The following STRN variants were observed in gnomAD, a reference collection of about 807,000 sequenced individuals.
The protein encoded by STRN is striatin.
A neutral mutation model predicts 96.3 loss-of-function variants in STRN; 53 were observed. That is an observed-to-expected ratio of 0.55 (90% CI 0.44 to 0.69). STRN has a LOEUF of 0.69. STRN is among the 30% of genes least tolerant of loss of function. The pLI, the probability that STRN is intolerant of heterozygous loss-of-function variation, is 0.00. For synonymous variants in STRN, 428 were observed against 355.9 expected (o/e 1.20, Z -2.28); for missense variants, 987 against 963.9 (o/e 1.02, Z -0.32).
intron 7 of STRN, among the ~76,000 whole-genome samples, chr2:36,888,594 A>G (rs556219255): frequency 6.6e-6 from 1 of 150,736 alleles, no homozygotes; most frequent in South Asian, 2.1e-4. Context: ...TATCTTCTCA[A>G]TGGGGCTTAT....
chr2:36,936,569 G>T (rs1193497925), intron 1 of STRN, among the ~76,000 whole-genome samples: 1 of 152,020 alleles, frequency 6.6e-6, no homozygotes, highest in Non-Finnish European at 1.5e-5. Context: ...TATTGAACAG[G>T]ACTTAACAGA....
Position 36,846,107 on chromosome 2 carries a change from T to C in STRN, c.*3349A>G, listed in dbSNP as rs1668068727. Reference sequence around the variant, plus strand: ...ATTTGTTTTTGTTAAAAAGTCTGAATGTTCAATGGAAATAGTTCAGTACTG... The same window carrying C: ...ATTTGTTTTTGTTAAAAAGTCTGAACGTTCAATGGAAATAGTTCAGTACTG... On this transcript the variant is annotated 3_prime_UTR_variant, in exon 18 of 18. Transcript: ENST00000263918. 6.6e-6 allele frequency: 1 copy of C among 150,916 alleles called. No individual in the cohort carries two copies. Among genetic ancestry groups the C allele is most frequent in the Non-Finnish European group, 1.5e-5 (1 of 67,834 alleles). 9.3% of individuals were successfully genotyped at this position (150,916 alleles called of 1,614,324 possible).
chr2:36,864,399 T>C (rs1178274072), intron 12 of STRN, among the ~76,000 whole-genome samples: 1 of 152,214 alleles, frequency 6.6e-6, no homozygotes, highest in East Asian at 1.9e-4. Flanking sequence ...CTTTTCTGCA[T>C]CTGTTGAGAT....
intron 1 of STRN, among the ~76,000 whole-genome samples, chr2:36,958,674 A>C (rs954889145): frequency 6.6e-6 from 1 of 152,218 alleles, no homozygotes; most frequent in African/African-American, 2.4e-5. Flanking sequence ...ATAATGGAGA[A>C]GCCCTAAGAT....
chr2:36,862,102 A>G (rs1305810141), intron 12 of STRN, among the ~76,000 whole-genome samples: 1 of 152,076 alleles, frequency 6.6e-6, no homozygotes, highest in African/African-American at 2.4e-5. Flanking sequence ...ACAGGATCTC[A>G]TTTTTTATGG....
intron 12 of STRN, among the ~76,000 whole-genome samples, chr2:36,865,914 G>A (rs1260825708): frequency 6.6e-6 from 1 of 152,030 alleles, no homozygotes; most frequent in African/African-American, 2.4e-5. Context: ...TCTCAACACA[G>A]AATTTCCCAG....
At chr2:36,898,381 G>T (rs1438986795) in intron 6 of STRN, among the ~76,000 whole-genome samples, 1 of 152,130 alleles carries the variant, frequency 6.6e-6, no homozygotes. Flanking sequence ...AAGAAAAATT[G>T]GAAGTTACTA....
At chr2:36,943,661 G>A (rs1670903423) in intron 1 of STRN, among the ~76,000 whole-genome samples, 1 of 151,908 alleles carries the variant, frequency 6.6e-6, no homozygotes, top group Non-Finnish European at 1.5e-5. Flanking sequence ...AAAATTAGCT[G>A]GGCGTGGTGG....
In STRN at chr2:36,849,688, A is replaced by G. The variant is rs1668171718; in HGVS notation, c.2173+26T>C. 2.5e-6 allele frequency: 4 copies of G among 1,613,938 alleles called. No individual in the cohort carries two copies. In the East Asian group the frequency reaches 8.9e-5, roughly 36 times the overall value. ...TAACATGAAAATGGTAAGGACAAAT[A>G]AATAATCCATAGTTGAGGTACTTAC... On this transcript the variant is annotated intron_variant, in intron 17 of 17. Transcript: ENST00000263918.
At chr2:36,900,289 ATTT>A (rs925012730) in intron 5 of STRN, among the ~76,000 whole-genome samples, 3 of 152,146 alleles carry the variant, frequency 2.0e-5, no homozygotes, top group Non-Finnish European at 2.9e-5. Context: ...TTTTAAAAAT[ATTT>A]TTATTATCTC....
chr2:36,915,411 A>T (rs1338984471), intron 3 of STRN, among the ~76,000 whole-genome samples: 1 of 151,380 alleles, frequency 6.6e-6, no homozygotes, highest in Non-Finnish European at 1.5e-5. Context: ...ACTTTTGATT[A>T]ATTTTTGTCA....
rs141375909 is a variant in STRN at position 36,910,066 on chromosome 2, A to G, written c.413-4448T>C. Among the ~76,000 whole-genome samples, 263 of 151,060 alleles carry G rather than the reference A, an allele frequency of 1.7e-3. 4 individuals are homozygous for G. The highest frequency in any genetic ancestry group is 6.1e-3 in the African/African-American group (251 of 41,180). ...CAGGCGCCTGTAATCCCAGCTACTC[A>G]GGGGGCTGAGGCAGGAGAATCGCTT... On this transcript the variant is annotated intron_variant, in intron 3 of 17. Transcript: ENST00000263918.
At position 36,851,118 on chromosome 2, in the gene STRN, A is replaced by G. The variant is rs1668210582; in HGVS notation, c.1979-11T>C. ...AGGAAGAGTTGGCTGCTAAAAAGAA[A>G]AAATTAAAAAGCAACACAACTTAGT... On this transcript the variant is annotated splice_polypyrimidine_tract_variant and intron_variant, in intron 15 of 17. Coordinates refer to ENST00000263918, the MANE Select transcript of STRN (RefSeq NM_003162.4). 1 of 1,598,050 alleles carries G rather than the reference A, an allele frequency of 6.3e-7. No homozygotes were observed. Among genetic ancestry groups the G allele is most frequent in the Non-Finnish European group, 8.6e-7 (1 of 1,167,420 alleles).
At chr2:36,955,002 T>C (rs867285389) in intron 1 of STRN, among the ~76,000 whole-genome samples, 13 of 152,206 alleles carry the variant, frequency 8.5e-5, no homozygotes, top group African/African-American at 3.1e-4. Flanking sequence ...CTGAACCTCT[T>C]ACTATACCGT....
chr2:36,858,788 G>A (rs577470889), intron 13 of STRN, among the ~76,000 whole-genome samples: 3 of 152,282 alleles, frequency 2.0e-5, no homozygotes, highest in African/African-American at 7.2e-5. Flanking sequence ...CTGTGTGTCA[G>A]GCACTATGCT....
intron 6 of STRN, among the ~76,000 whole-genome samples, 200 bp from the exon 7 acceptor site, chr2:36,894,233 T>TTA (rs1470234227): frequency 3.3e-5 from 5 of 152,190 alleles, no homozygotes; most frequent in Non-Finnish European, 5.9e-5. Flanking sequence ...TGCTCAACGG[T>TTA]ATTATGGCTT....
chr2:36,878,168 G>T, intron 9 of STRN, 141 bp from the exon 10 acceptor site: 2 of 910,132 alleles, frequency 2.2e-6, no homozygotes, highest in East Asian at 2.7e-5. Flanking sequence ...AAAATTCAGT[G>T]AGCAGAAAAT....
chr2:36,964,900 C>T (rs1292318573), intron 1 of STRN, among the ~76,000 whole-genome samples: 1 of 152,198 alleles, frequency 6.6e-6, no homozygotes, highest in African/African-American at 2.4e-5. Flanking sequence ...ACACAGCTGG[C>T]ACTCAATACA....
At chr2:36,863,129 T>C (rs1435765023) in intron 12 of STRN, among the ~76,000 whole-genome samples, 1 of 152,184 alleles carries the variant, frequency 6.6e-6, no homozygotes, top group Non-Finnish European at 1.5e-5. Context: ...GGGTTGTCTA[T>C]TTACGCTGTT....
Sources: allele counts gnomAD v4.1 joint callset (sites outside exome capture counted in the v4.1 genomes callset), GRCh38; gene constraint gnomAD v4.1.1; transcripts MANE v1.5; gene names NCBI Gene and HGNC (gene_info 2026-07-23, HGNC 2026-07-21).